Variants in SOBP observed in about 807,000 individuals in gnomAD.
SOBP encodes the protein sine oculis binding protein homolog, also known as sine oculis-binding protein homolog.
SOBP carries 4 observed loss-of-function variants against 53.6 expected under a neutral mutation model. That is an observed-to-expected ratio of 0.07 (90% CI 0.04 to 0.17). The LOEUF is 0.17. SOBP is among the 10% of genes least tolerant of loss of function. SOBP has a pLI of 1.00. For synonymous variants in SOBP, 584 were observed against 522.6 expected (o/e 1.12, Z -1.60); for missense variants, 1,088 against 1,204.7 (o/e 0.90, Z 1.43).
rs1225740272 is a variant in SOBP, at chr6:107,634,493, A to G, written c.1649A>G (p.Lys550Arg). The change falls in exon 6 of 7, where the codon AAG becomes AGG. Residue 550 changes from lysine (K) to arginine (R), a missense_variant. Lys to Arg is a conservative substitution (Grantham distance 26, BLOSUM62 2). Transcript: ENST00000317357. The surrounding 1 kb of genome is among the most constrained non-coding windows in gnomAD (Gnocchi z 4.5). ...CCTATCCCTCACGTCAGCGACTCCA[A>G]GCCCCCCAACGGGTTCTCCAGCAAC... Reference protein sequence around the residue: ...PIPIPHVSDSKPPNGFSSNGE... With the variant: ...PIPIPHVSDSRPPNGFSSNGE... 8.7e-6 allele frequency: 14 copies of G among 1,611,488 alleles called. No individual in the cohort carries two copies. Among genetic ancestry groups the G allele is most frequent in the Admixed American group, 6.7e-5 (4 of 59,998 alleles).
At position 107,634,188 on chromosome 6, in the gene SOBP, C is replaced by T. The variant is rs1583294220; in HGVS notation, c.1344C>T (p.Ser448=). ...GCCCCAGAAACCTGGGCCCCACTTCCAGCCCCATGCACCGGCCCATGCTAT... is the reference window on the plus strand; with the variant it reads ...GCCCCAGAAACCTGGGCCCCACTTCTAGCCCCATGCACCGGCCCATGCTAT... The part of the protein sequence containing the change: ...PGGPRNLGPT[S]SPMHRPMLSP... The change falls in exon 6 of 7, where the codon TCC becomes TCT. Residue 448 remains serine, a synonymous_variant. Transcript: ENST00000317357. This position sits in a 1 kb window ranked among gnomAD's most constrained non-coding sequence, Gnocchi z 4.5. 6.2e-7 allele frequency: 1 copy of T among 1,607,180 alleles called. No homozygotes were observed.
rs79091278 is a variant in SOBP, at chr6:107,560,962, A to C, written c.574-26118A>C. ...GGAAGCAGCAGTGAGACCATTGTCAATAATATACTCGCTTTCAGTTTCATA... is the reference window on the plus strand; with the variant it reads ...GGAAGCAGCAGTGAGACCATTGTCACTAATATACTCGCTTTCAGTTTCATA... On this transcript the variant is annotated intron_variant, in intron 4 of 6. Coordinates refer to ENST00000317357, the MANE Select transcript of SOBP (RefSeq NM_018013.4). Among the ~76,000 whole-genome samples the C allele has an allele frequency of 5.6e-3, 848 of 152,282 alleles. 2 individuals are homozygous for C. Among genetic ancestry groups the C allele is most frequent in the African/African-American group, 0.019 (805 of 41,568 alleles).
rs755488373 is a variant in SOBP, at chr6:107,635,260, C to T, written c.2416C>T (p.Leu806Phe). The change falls in exon 6 of 7, where the codon CTT becomes TTT. Residue 806 changes from leucine to phenylalanine, a missense_variant. Coordinates refer to ENST00000317357, the MANE Select transcript of SOBP (RefSeq NM_018013.4). The surrounding 1 kb of genome is among the most constrained non-coding windows in gnomAD (Gnocchi z 4.5). ...GGGGGGCGACAAGTCAGACCCGAAC[C>T]TTAATAACCCCGCGGACGAGGACCA... ...LAGGDKSDPN[L>F]NNPADEDHAY... The T allele has an allele frequency of 6.2e-7, 1 of 1,613,958 alleles. No individual in the cohort carries two copies. Among genetic ancestry groups the T allele is most frequent in the Non-Finnish European group, 8.5e-7 (1 of 1,180,002 alleles).
intron 1 of SOBP, among the ~76,000 whole-genome samples, chr6:107,493,174 T>C (rs1782618759): frequency 6.6e-6 from 1 of 152,102 alleles, no homozygotes; most frequent in African/African-American, 2.4e-5. Flanking sequence ...TATAAATGTG[T>C]GCAACAAAAT....
At position 107,610,796 on chromosome 6, in the gene SOBP, GCACACACACACA is replaced by G. The variant is rs150127640; in HGVS notation, c.670-22701_670-22690del. Among the ~76,000 whole-genome samples, 1,239 of 149,038 alleles carry G rather than the reference GCACACACACACA, an allele frequency of 8.3e-3. 20 individuals are homozygous for G. Among genetic ancestry groups the G allele is most frequent in the East Asian group, 0.057 (288 of 5,038 alleles). Reference sequence around the variant, plus strand: ...TGTGTGTGCGCACGTGTGTGCACACGCACACACACACACACACACACACACACATACACACAC... The same window carrying G: ...TGTGTGTGCGCACGTGTGTGCACACGCACACACACACACACATACACACAC... On this transcript the variant is annotated intron_variant, in intron 5 of 6. Coordinates refer to ENST00000317357, the MANE Select transcript of SOBP (RefSeq NM_018013.4).
intron 3 of SOBP, among the ~76,000 whole-genome samples, chr6:107,526,366 T>A (rs1783663256): frequency 1.3e-5 from 2 of 152,198 alleles, no homozygotes; most frequent in South Asian, 4.1e-4. Flanking sequence ...GTTCAGGCCC[T>A]ATCAGCTCCT....
At chr6:107,601,264 C>T (rs907034370) in intron 5 of SOBP, among the ~76,000 whole-genome samples, 2 of 152,188 alleles carry the variant, frequency 1.3e-5, no homozygotes, top group African/African-American at 4.8e-5. Flanking sequence ...TCTGACAGCT[C>T]TCTGTGGCCC....
At chr6:107,554,362 C>T (rs966816062) in intron 4 of SOBP, among the ~76,000 whole-genome samples, 10 of 152,176 alleles carry the variant, frequency 6.6e-5, no homozygotes, top group African/African-American at 1.9e-4. Context: ...ATTTGCATTA[C>T]AGAGACTTGA....
chr6:107,534,728 CTA>C (rs1783940962), intron 4 of SOBP, among the ~76,000 whole-genome samples: 1 of 152,168 alleles, frequency 6.6e-6, no homozygotes, highest in African/African-American at 2.4e-5. Flanking sequence ...GTAGCAGTCT[CTA>C]AGAGTTAGGC....
rs1199307719 is a variant in SOBP at position 107,656,297 on chromosome 6, AAG to A, written c.*4-1908_*4-1907del. ...TCTTGAGAAAGAAAGAAAAGAAAGA[AAG>A]AAAGAAAGAAAGAAAGAAAGAAAGA... On this transcript the variant is annotated intron_variant, in intron 6 of 6. Transcript: ENST00000317357. Among the ~76,000 whole-genome samples the A allele has an allele frequency of 4.9e-4, 11 of 22,508 alleles. 1 individual carries two copies. The East Asian group carries it at 8.3e-3, about 17-fold the overall frequency. 14.8% of individuals were successfully genotyped at this position (22,508 alleles called of 152,430 possible).
chr6:107,585,448 G>A (rs4440495), intron 4 of SOBP, among the ~76,000 whole-genome samples: 37,996 of 152,082 alleles, frequency 0.25, 5,272 homozygotes, highest in South Asian at 0.57. Flanking sequence ...AAACCATGGC[G>A]TAGCTGCAAA....
chr6:107,514,240 G>T (rs1783253206), intron 3 of SOBP: 2 of 152,148 alleles, frequency 1.3e-5, no homozygotes, highest in Admixed American at 1.3e-4. Context: ...TTTTACCTTG[G>T]AATGTATGAT....
chr6:107,636,731 C>G (rs1022644922), intron 6 of SOBP, among the ~76,000 whole-genome samples: 1 of 152,148 alleles, frequency 6.6e-6, no homozygotes, highest in African/African-American at 2.4e-5. Context: ...GGAGTGCAAA[C>G]TCCAGGAGGA....
chr6:107,503,564 A>C, intron 1 of SOBP, 93 bp from the exon 2 acceptor site: 1 of 1,404,336 alleles, frequency 7.1e-7, no homozygotes, highest in Admixed American at 1.7e-5. Flanking sequence ...GGCTGCAAAT[A>C]AATGAGGTAG....
intron 5 of SOBP, among the ~76,000 whole-genome samples, chr6:107,612,694 C>T (rs986854077): frequency 3.3e-5 from 5 of 152,024 alleles, no homozygotes; most frequent in Non-Finnish European, 7.4e-5. Flanking sequence ...TATCTGTTTC[C>T]AAAACTTTTT....
chr6:107,530,580 C>T (rs758300343), intron 3 of SOBP, among the ~76,000 whole-genome samples: 7 of 151,526 alleles, frequency 4.6e-5, no homozygotes, highest in African/African-American at 1.2e-4. Flanking sequence ...CCTGAAATAC[C>T]GGAAAATGTT....
chr6:107,605,821 A>G (rs541267716), intron 5 of SOBP, among the ~76,000 whole-genome samples: 2 of 152,328 alleles, frequency 1.3e-5, no homozygotes, highest in African/African-American at 2.4e-5. Context: ...CCTGTTAAGC[A>G]TGGAGAATCC....
At chr6:107,608,774 A>G (rs1786484102) in intron 5 of SOBP, among the ~76,000 whole-genome samples, 1 of 152,380 alleles carries the variant, frequency 6.6e-6, no homozygotes, top group African/African-American at 2.4e-5. Context: ...CAGGAACTCA[A>G]GAGACAACAG....
At chr6:107,573,981 A>G (rs986137770) in intron 4 of SOBP, among the ~76,000 whole-genome samples, 3 of 152,200 alleles carry the variant, frequency 2.0e-5, no homozygotes, top group African/African-American at 4.8e-5. Context: ...GTTGTCTACT[A>G]CTGCCTGGCA....
Sources: gnomAD v4.1 joint callset for allele counts (sites outside exome capture counted in the v4.1 genomes callset) on GRCh38, gnomAD v4.1.1 for gene constraint, Gnocchi (gnomAD v3.1) non-coding constraint, MANE v1.5 for transcripts, NCBI Gene and HGNC (gene_info 2026-07-23, HGNC 2026-07-21) for gene names.